SPAG16: variants seen among roughly 807,000 people sequenced by gnomAD.
The protein encoded by SPAG16 is sperm associated antigen 16.
SPAG16 carries 86 observed loss-of-function variants against 80.4 expected under a neutral mutation model. The ratio of observed to expected loss-of-function variants is 1.07; its 90% confidence interval spans 0.90 to 1.28. SPAG16 has a LOEUF of 1.28. Ranked by LOEUF, SPAG16 falls within the 50% of genes most tolerant of loss-of-function variation. The pLI is 0.00. For synonymous variants in SPAG16, 294 were observed against 265.9 expected (o/e 1.11, Z -1.03); for missense variants, 870 against 765.3 (o/e 1.14, Z -1.61).
At chr2:214,346,285 T>C (rs1275694460) in intron 15 of SPAG16, among the ~76,000 whole-genome samples, 1 of 152,242 alleles carries the variant, frequency 6.6e-6, no homozygotes, top group Admixed American at 6.5e-5. Flanking sequence ...AGGGAGTGTG[T>C]TGTAGCATTT....
chr2:213,625,250 C>G (rs974390649), intron 10 of SPAG16, among the ~76,000 whole-genome samples: 3 of 152,136 alleles, frequency 2.0e-5, no homozygotes, highest in African/African-American at 7.2e-5. Context: ...ATACAGGCTT[C>G]TGCTTCTGAA....
intron 10 of SPAG16, among the ~76,000 whole-genome samples, chr2:213,706,206 G>T (rs1390185478): frequency 1.3e-5 from 2 of 152,172 alleles, no homozygotes; most frequent in Non-Finnish European, 2.9e-5. Flanking sequence ...AGGGCTATCT[G>T]TTAGAGTCTG....
chr2:213,823,719 A>C (rs1575246169), intron 10 of SPAG16, among the ~76,000 whole-genome samples: 2 of 152,160 alleles, frequency 1.3e-5, no homozygotes, highest in Middle Eastern at 3.4e-3. Context: ...CTTTCGAGAA[A>C]TGTCTGTTTA....
At chr2:214,085,419 GA>G (rs2051670776) in intron 13 of SPAG16, among the ~76,000 whole-genome samples, 1 of 145,764 alleles carries the variant, frequency 6.9e-6, no homozygotes, top group Non-Finnish European at 1.5e-5. Flanking sequence ...AGAAAAAGAA[GA>G]AAAGAGAGTT....
At chr2:214,029,202 G>C (rs578205449) in intron 13 of SPAG16, among the ~76,000 whole-genome samples, 1 of 152,144 alleles carries the variant, frequency 6.6e-6, no homozygotes, top group African/African-American at 2.4e-5. Flanking sequence ...TCCAGAGAGA[G>C]AAAACTGCAA....
intron 8 of SPAG16, among the ~76,000 whole-genome samples, chr2:213,369,575 T>C (rs1156563651): frequency 7.8e-6 from 1 of 128,572 alleles, no homozygotes; most frequent in Non-Finnish European, 1.9e-5. Flanking sequence ...GTGTTTACTT[T>C]TAGGCAAAGA....
chr2:213,842,327 C>T (rs1448020395), intron 10 of SPAG16, among the ~76,000 whole-genome samples: 3 of 152,006 alleles, frequency 2.0e-5, no homozygotes, highest in Non-Finnish European at 4.4e-5. Context: ...TTGGCAGTTT[C>T]CTCAGAAAAA....
At chr2:214,315,646 C>T (rs1695635807) in intron 15 of SPAG16, among the ~76,000 whole-genome samples, 2 of 152,098 alleles carry the variant, frequency 1.3e-5, no homozygotes, top group South Asian at 4.1e-4. Context: ...ATCCTCCCAC[C>T]TCAGTACTCT....
At chr2:213,813,124 A>G (rs1575209449) in intron 10 of SPAG16, among the ~76,000 whole-genome samples, 2 of 152,336 alleles carry the variant, frequency 1.3e-5, no homozygotes, top group South Asian at 4.1e-4. Context: ...AAAGAAGAAC[A>G]GTGACACGAT....
Position 213,422,987 on chromosome 2 carries a change from C to A in SPAG16, c.942+47868C>A, listed in dbSNP as rs530510522. On this transcript the variant is annotated intron_variant, in intron 9 of 15. Coordinates refer to ENST00000331683, the MANE Select transcript of SPAG16 (RefSeq NM_024532.5). ...TGACAGCAAGGCTGTCTTCTCTAGT[C>A]TTCCTTTCCTTAGGCTGTTACTTCA... is the stretch of plus-strand genomic sequence containing the variant. Among the ~76,000 whole-genome samples, 6 of 152,356 alleles carry A rather than the reference C, an allele frequency of 3.9e-5. No individual in the cohort carries two copies. In the East Asian group the frequency reaches 1.2e-3, roughly 29 times the overall value.
chr2:214,232,588 G>A (rs536143182), intron 15 of SPAG16, among the ~76,000 whole-genome samples: 208 of 97,340 alleles, frequency 2.1e-3, no homozygotes, highest in African/African-American at 9.7e-3. Context: ...TGAAGGAGTC[G>A]GGGGGGGCTC....
chr2:214,218,930 G>T (rs2058497900), intron 15 of SPAG16, among the ~76,000 whole-genome samples: 1 of 152,090 alleles, frequency 6.6e-6, no homozygotes, highest in Non-Finnish European at 1.5e-5. Context: ...TGAAAGGCTT[G>T]GGTTTTGAAG....
intron 12 of SPAG16, among the ~76,000 whole-genome samples, chr2:213,969,909 T>G (rs1009298594): frequency 1.3e-5 from 2 of 152,170 alleles, no homozygotes; most frequent in African/African-American, 4.8e-5. Context: ...GTTTGGGCTA[T>G]TATAAGAAAA....
chr2:214,203,118 T>C (rs1256070972), intron 15 of SPAG16, among the ~76,000 whole-genome samples: 1 of 152,146 alleles, frequency 6.6e-6, no homozygotes, highest in East Asian at 1.9e-4. Flanking sequence ...AATACAGTCT[T>C]CATTTTTCTA....
chr2:214,277,436 G>A (rs1198395876), intron 15 of SPAG16, among the ~76,000 whole-genome samples: 2 of 152,040 alleles, frequency 1.3e-5, no homozygotes, highest in Non-Finnish European at 2.9e-5. Flanking sequence ...TCTACCTTTG[G>A]TCTTTGATGT....
chr2:213,780,744 A>G (rs2069905406), intron 10 of SPAG16, among the ~76,000 whole-genome samples: 1 of 152,042 alleles, frequency 6.6e-6, no homozygotes, highest in South Asian at 2.1e-4. Context: ...CCCAACTTTG[A>G]GAACTCTATT....
intron 9 of SPAG16, among the ~76,000 whole-genome samples, chr2:213,488,692 G>A (rs2074100840): frequency 6.6e-6 from 1 of 152,052 alleles, no homozygotes; most frequent in South Asian, 2.1e-4. Flanking sequence ...TTTATATCTG[G>A]GTGGTGAGAC....
intron 14 of SPAG16, among the ~76,000 whole-genome samples, chr2:214,148,684 G>A (rs1231633529): frequency 6.7e-6 from 1 of 149,732 alleles, no homozygotes; most frequent in Non-Finnish European, 1.5e-5. Context: ...AACTAACTGT[G>A]AGCATAAAAG....
intron 15 of SPAG16, chr2:214,249,948 A>G (rs762526420): frequency 6.6e-6 from 1 of 152,184 alleles, no homozygotes; most frequent in Non-Finnish European, 1.5e-5. Flanking sequence ...TGATGTGACT[A>G]GCTAGCTCTT....
Sources: allele counts gnomAD v4.1 joint callset (sites outside exome capture counted in the v4.1 genomes callset), GRCh38; gene constraint gnomAD v4.1.1; transcripts MANE v1.5; gene names NCBI Gene and HGNC (gene_info 2026-07-23, HGNC 2026-07-21).